Variants in BCL2 observed in about 807,000 individuals in gnomAD.
BCL2 encodes apoptosis regulator Bcl-2.
BCL2 carries 1 observed loss-of-function variant against 14.2 expected under a neutral mutation model. The observed-to-expected ratio is 0.07, with a 90% CI of 0.02 to 0.33. BCL2 has a LOEUF of 0.33. Among genes scored for constraint, BCL2 ranks in the 10% least tolerant of loss-of-function variants. The pLI, the probability that BCL2 is intolerant of heterozygous loss-of-function variation, is 0.99. For missense variants in BCL2, 247 were observed against 305.9 expected, an observed-to-expected ratio of 0.81 and a Z score of 1.44; for synonymous variants, 151 against 137.2, an observed-to-expected ratio of 1.10 and a Z score of -0.70.
At chr18:63,142,381 C>T (rs1037648325) in intron 2 of BCL2, among the ~76,000 whole-genome samples, 3 of 152,248 alleles carry the variant, frequency 2.0e-5, no homozygotes, top group Non-Finnish European at 4.4e-5. Flanking sequence ...GGAAGCTCCA[C>T]ACTGCATTAG....
chr18:63,274,687 G>A (rs1460230838), intron 2 of BCL2, among the ~76,000 whole-genome samples: 1 of 152,074 alleles, frequency 6.6e-6, no homozygotes, highest in Non-Finnish European at 1.5e-5. Context: ...AAACGGAACT[G>A]CAGGGCAACA....
chr18:63,150,166 A>AGAG (rs1914618982), intron 2 of BCL2, among the ~76,000 whole-genome samples: 1 of 152,202 alleles, frequency 6.6e-6, no homozygotes, highest in Non-Finnish European at 1.5e-5. Flanking sequence ...TACAGGCGTG[A>AGAG]GCCACCGCGC....
At chr18:63,175,534 C>A (rs1424972056) in intron 2 of BCL2, among the ~76,000 whole-genome samples, 3 of 152,212 alleles carry the variant, frequency 2.0e-5, no homozygotes, top group Non-Finnish European at 4.4e-5. Context: ...GTAAGGTCCC[C>A]ATTGGTGCTA....
Position 63,211,329 on chromosome 18 carries a change from A to G in BCL2, c.586-82570T>C, listed in dbSNP as rs1017546844. Among the ~76,000 whole-genome samples the G allele has an allele frequency of 2.6e-5, 4 of 151,972 alleles. No homozygotes were observed. In the East Asian group the frequency reaches 5.8e-4, roughly 22 times the overall value. On this transcript the variant is annotated intron_variant, in intron 2 of 2. Transcript: ENST00000333681. ...TGTCTCAGCCTCCCAAGGTGCTGGG[A>G]TTCCAGGTGTGACCCACCGCGCCTG...
chr18:63,176,730 T>C (rs938324609), intron 2 of BCL2, among the ~76,000 whole-genome samples: 1 of 152,214 alleles, frequency 6.6e-6, no homozygotes, highest in Non-Finnish European at 1.5e-5. Context: ...TTTCTTTGTG[T>C]TGGGAACATT....
chr18:63,253,653 T>C (rs1002584313), intron 2 of BCL2, among the ~76,000 whole-genome samples: 8 of 152,222 alleles, frequency 5.3e-5, no homozygotes, highest in Non-Finnish European at 1.2e-4. Flanking sequence ...AATTTGATTA[T>C]TTCTTTTACA....
chr18:63,293,249 T>C (rs1334663576), intron 2 of BCL2, among the ~76,000 whole-genome samples: 1 of 152,176 alleles, frequency 6.6e-6, no homozygotes, highest in Non-Finnish European at 1.5e-5. Context: ...CAGGATGAAA[T>C]TCTCTCTAAT....
chr18:63,200,111 C>T (rs1909648103), intron 2 of BCL2, among the ~76,000 whole-genome samples: 1 of 152,174 alleles, frequency 6.6e-6, no homozygotes, highest in South Asian at 2.1e-4. Context: ...TGCAGGAAGC[C>T]CTCACAGATA....
intron 2 of BCL2, chr18:63,302,368 CAACT>C: frequency 2.0e-6 from 2 of 984,688 alleles, no homozygotes; most frequent in Non-Finnish European, 2.4e-6. Flanking sequence ...TTGTTCAGTT[CAACT>C]AACACAGAGC....
At chr18:63,248,239 C>T (rs969490977) in intron 2 of BCL2, among the ~76,000 whole-genome samples, 3 of 152,250 alleles carry the variant, frequency 2.0e-5, no homozygotes, top group Non-Finnish European at 4.4e-5. Flanking sequence ...AAATAATCCA[C>T]GGATCTGACC....
chr18:63,317,087 A>T (rs1913521427), intron 2 of BCL2: 1 of 152,220 alleles, frequency 6.6e-6, no homozygotes, highest in African/African-American at 2.4e-5. Context: ...TGGTATAATG[A>T]TGAAAGCTCT....
At chr18:63,160,355 C>T (rs1027550669) in intron 2 of BCL2, among the ~76,000 whole-genome samples, 4 of 152,188 alleles carry the variant, frequency 2.6e-5, no homozygotes, top group African/African-American at 4.8e-5. Flanking sequence ...GCCGCCCTGT[C>T]GGCACTCAGA....
chr18:63,241,790 C>T (rs948181048), intron 2 of BCL2, among the ~76,000 whole-genome samples: 3 of 152,232 alleles, frequency 2.0e-5, no homozygotes, highest in African/African-American at 7.2e-5. Context: ...TCCCGGCCTG[C>T]CACCCTGGCC....
chr18:63,133,821 A>G (rs1384217832), intron 2 of BCL2, among the ~76,000 whole-genome samples: 2 of 152,184 alleles, frequency 1.3e-5, no homozygotes, highest in Non-Finnish European at 2.9e-5. Context: ...TAGTAATTTC[A>G]CTTCCAGTTA....
At chr18:63,260,133 G>A (rs139369367) in intron 2 of BCL2, among the ~76,000 whole-genome samples, 2 of 151,910 alleles carry the variant, frequency 1.3e-5, no homozygotes, top group East Asian at 3.9e-4. Context: ...GAACACTGCT[G>A]TAAACAAATT....
At chr18:63,263,504 T>C (rs1000175008) in intron 2 of BCL2, among the ~76,000 whole-genome samples, 2 of 152,180 alleles carry the variant, frequency 1.3e-5, no homozygotes, top group African/African-American at 2.4e-5. Flanking sequence ...GGCCACCACA[T>C]TGGACTGTAT....
chr18:63,134,768 T>C (rs574217108), intron 2 of BCL2, among the ~76,000 whole-genome samples: 99 of 152,324 alleles, frequency 6.5e-4, no homozygotes, highest in African/African-American at 2.2e-3. Flanking sequence ...ATTTTGTTCC[T>C]GCAGACTGCA....
At chr18:63,193,582 ATGTGTG>A (rs201003163) in intron 2 of BCL2, among the ~76,000 whole-genome samples, 1,623 of 139,404 alleles carry the variant, frequency 0.012, 26 homozygotes, top group African/African-American at 0.039. Context: ...AGTAGTATGT[ATGTGTG>A]TGTGTGTGTG....
intron 2 of BCL2, among the ~76,000 whole-genome samples, chr18:63,226,247 G>A (rs912937379): frequency 6.6e-6 from 1 of 152,176 alleles, no homozygotes; most frequent in African/African-American, 2.4e-5. Flanking sequence ...TGGAGCCAGG[G>A]ATTTTTTATG....
Sources: allele counts gnomAD v4.1 joint callset (sites outside exome capture counted in the v4.1 genomes callset), GRCh38; gene constraint gnomAD v4.1.1; transcripts MANE v1.5; gene names NCBI Gene and HGNC (gene_info 2026-07-23, HGNC 2026-07-21).